Variants in AGMO observed in about 807,000 individuals in gnomAD.
The protein encoded by AGMO is alkylglycerol monooxygenase, also known as glyceryl-ether monooxygenase.
AGMO carries 75 observed loss-of-function variants against 60.2 expected under a neutral mutation model. The observed-to-expected ratio is 1.25, with a 90% CI of 1.03 to 1.51. AGMO has a LOEUF of 1.51. Among genes scored for constraint, AGMO ranks in the 40% most tolerant of loss-of-function variants. The pLI is 0.00. For missense variants in AGMO, 763 were observed against 525.5 expected, an observed-to-expected ratio of 1.45 and a Z score of -4.42; for synonymous variants, 261 against 177.1, an observed-to-expected ratio of 1.47 and a Z score of -3.76.
At chr7:15,290,694 G>C (rs536376958) in intron 12 of AGMO, among the ~76,000 whole-genome samples, 1 of 152,206 alleles carries the variant, frequency 6.6e-6, no homozygotes, top group African/African-American at 2.4e-5. Flanking sequence ...GTTTAGATTA[G>C]ATAGGTCACA....
chr7:15,281,269 G>A (rs912158845), intron 12 of AGMO, among the ~76,000 whole-genome samples: 7 of 152,130 alleles, frequency 4.6e-5, no homozygotes, highest in Admixed American at 3.9e-4. Context: ...AGGTCTTGGA[G>A]AAGGAGACTT....
chr7:15,196,738 A>G (rs1220484055), downstream of AGMO, among the ~76,000 whole-genome samples: 1 of 152,334 alleles, frequency 6.6e-6, no homozygotes, highest in South Asian at 2.1e-4. Flanking sequence ...CTGTAATGTA[A>G]ATCAAGACAA....
chr7:15,369,475 T>C (rs968478405), intron 10 of AGMO, among the ~76,000 whole-genome samples: 2 of 152,066 alleles, frequency 1.3e-5, no homozygotes, highest in African/African-American at 2.4e-5. Context: ...TGACAAACAT[T>C]TTCCCCACTC....
chr7:15,514,986 A>G (rs1387933338), intron 3 of AGMO, among the ~76,000 whole-genome samples: 1 of 152,200 alleles, frequency 6.6e-6, no homozygotes, highest in African/African-American at 2.4e-5. Context: ...ATGCTGCAAC[A>G]GTTTATCAAG....
At position 15,415,013 on chromosome 7, in the gene AGMO, A is replaced by C. The variant is rs146493016; in HGVS notation, c.609+3545T>G. Among the ~76,000 whole-genome samples, 690 of 152,302 alleles carry C rather than the reference A, an allele frequency of 4.5e-3. 4 individuals are homozygous for C. Among genetic ancestry groups the C allele is most frequent in the African/African-American group, 0.016 (656 of 41,564 alleles). ...CAAGAATATCACAGAATAATGGTAAAAGTTAAAACTCTGAAATTTTCAAAA... is the reference window on the plus strand; with the variant it reads ...CAAGAATATCACAGAATAATGGTAACAGTTAAAACTCTGAAATTTTCAAAA... On this transcript the variant is annotated intron_variant, in intron 5 of 12. Transcript: ENST00000342526.
rs184107398 is a variant in AGMO at position 15,434,787 on chromosome 7, C to T, written c.410-3679G>A. On this transcript the variant is annotated intron_variant, in intron 3 of 12. Coordinates refer to ENST00000342526, the MANE Select transcript of AGMO (RefSeq NM_001004320.2). ...CCCACAGAAACTATGAGATGATAAA[C>T]GTTTCTTGTTTTAAGCTTGTAACTT... Among the ~76,000 whole-genome samples, 749 of 152,164 alleles carry T rather than the reference C, an allele frequency of 4.9e-3. 5 individuals are homozygous for T. Among genetic ancestry groups the T allele is most frequent in the Middle Eastern group, 0.031 (9 of 294 alleles).
intron 12 of AGMO, among the ~76,000 whole-genome samples, chr7:15,341,803 C>A (rs970266192): frequency 2.6e-5 from 4 of 152,064 alleles, no homozygotes; most frequent in African/African-American, 9.7e-5. Flanking sequence ...AAAGGAGGAG[C>A]AAAGGCATGT....
chr7:15,420,481 T>A (rs1005272604), intron 4 of AGMO, among the ~76,000 whole-genome samples: 1 of 152,114 alleles, frequency 6.6e-6, no homozygotes, highest in African/African-American at 2.4e-5. Flanking sequence ...AAAATATAGG[T>A]GAGGAAATAA....
chr7:15,329,083 C>A (rs535857668), intron 12 of AGMO, among the ~76,000 whole-genome samples: 63 of 152,242 alleles, frequency 4.1e-4, no homozygotes, highest in African/African-American at 1.3e-3. Flanking sequence ...CTTATCCTTT[C>A]CCCTCTCTTT....
intron 3 of AGMO, among the ~76,000 whole-genome samples, chr7:15,537,618 A>AT (rs1445925047): frequency 1.6e-4 from 25 of 152,118 alleles, no homozygotes; most frequent in African/African-American, 5.3e-4. Flanking sequence ...TCAATGTTCA[A>AT]AAATAGACTG....
At chr7:15,391,634 T>C (rs1458650127) in intron 6 of AGMO, among the ~76,000 whole-genome samples, 1 of 152,202 alleles carries the variant, frequency 6.6e-6, no homozygotes. Context: ...ATGGTTTCCA[T>C]GCATGCAACC....
At chr7:15,438,993 A>G (rs1443590658) in intron 3 of AGMO, among the ~76,000 whole-genome samples, 1 of 152,172 alleles carries the variant, frequency 6.6e-6, no homozygotes, top group African/African-American at 2.4e-5. Flanking sequence ...TTCCTAGGAA[A>G]CTAGTAAGCT....
chr7:15,186,701 A>G, the AGMO span, among the ~76,000 whole-genome samples: 459 of 152,312 alleles, frequency 3.0e-3, no homozygotes, highest in Non-Finnish European at 4.0e-3. Flanking sequence ...TATATAACCC[A>G]AAAGGTAAAC....
chr7:15,148,235 T>C, the AGMO span, among the ~76,000 whole-genome samples: 12 of 152,174 alleles, frequency 7.9e-5, no homozygotes, highest in African/African-American at 2.9e-4. Flanking sequence ...TGTTAGTTAG[T>C]GGTAAATCTC....
At chr7:15,323,079 ACTAT>A (rs1383648402) in intron 12 of AGMO, among the ~76,000 whole-genome samples, 1 of 151,632 alleles carries the variant, frequency 6.6e-6, no homozygotes, top group Non-Finnish European at 1.5e-5. Flanking sequence ...AAGAAATTAG[ACTAT>A]CTAATGTTTA....
At chr7:15,253,534 G>C (rs920773087) in intron 12 of AGMO, among the ~76,000 whole-genome samples, 4 of 152,086 alleles carry the variant, frequency 2.6e-5, no homozygotes, top group Non-Finnish European at 2.9e-5. Flanking sequence ...TTTGAAGTGA[G>C]ATGAGTCAGG....
intron 3 of AGMO, among the ~76,000 whole-genome samples, chr7:15,500,597 A>T (rs1266569760): frequency 6.6e-6 from 1 of 151,916 alleles, no homozygotes; most frequent in Non-Finnish European, 1.5e-5. Context: ...TTCCCAGGAA[A>T]AATATTTTTA....
At chr7:15,257,386 ATTAC>A (rs1783128917) in intron 12 of AGMO, among the ~76,000 whole-genome samples, 1 of 152,100 alleles carries the variant, frequency 6.6e-6, no homozygotes, top group African/African-American at 2.4e-5. Flanking sequence ...AAAATTTTGG[ATTAC>A]TTTATTGAAA....
chr7:15,158,895 C>A, the AGMO span, among the ~76,000 whole-genome samples: 1 of 151,986 alleles, frequency 6.6e-6, no homozygotes, highest in Non-Finnish European at 1.5e-5. Flanking sequence ...TTATTTTGTC[C>A]TTAAAAATAA....
Sources: allele counts gnomAD v4.1 joint callset (sites outside exome capture counted in the v4.1 genomes callset), GRCh38; gene constraint gnomAD v4.1.1; transcripts MANE v1.5; gene names NCBI Gene and HGNC (gene_info 2026-07-23, HGNC 2026-07-21).